PNPLA7: variants seen among roughly 807,000 people sequenced by gnomAD.
The protein encoded by PNPLA7 is patatin like domain 7, lysophospholipase, also known as patatin-like phospholipase domain-containing protein 7.
Under a neutral mutation model 161.7 loss-of-function variants are expected in PNPLA7, and 153 were observed. The observed-to-expected ratio is 0.95, with a 90% CI of 0.83 to 1.08. The LOEUF (loss-of-function observed/expected upper bound fraction) is 1.08. Ranked by LOEUF, PNPLA7 falls within the 50% of genes least tolerant of loss-of-function variation. PNPLA7 has a pLI of 0.00. For synonymous variants in PNPLA7, 809 were observed against 782.1 expected, an observed-to-expected ratio of 1.03 and a Z score of -0.57; for missense variants, 1,739 against 1,856.6, an observed-to-expected ratio of 0.94 and a Z score of 1.16.
At chr9:137,519,181 A>G (rs919958972) in intron 11 of PNPLA7, among the ~76,000 whole-genome samples, 1 of 152,212 alleles carries the variant, frequency 6.6e-6, no homozygotes, top group African/African-American at 2.4e-5. Context: ...AGTCACTTCA[A>G]TTCTTTTGGG....
chr9:137,546,373 G>A (rs762332259), intron 4 of PNPLA7, among the ~76,000 whole-genome samples: 20 of 151,496 alleles, frequency 1.3e-4, no homozygotes, highest in African/African-American at 2.2e-4. Context: ...ACTGGTCTCC[G>A]CGTCTTGGTG....
intron 8 of PNPLA7, among the ~76,000 whole-genome samples, chr9:137,531,079 T>C (rs1835558193): frequency 6.6e-6 from 1 of 152,154 alleles, no homozygotes; most frequent in African/African-American, 2.4e-5. Flanking sequence ...AAAACCTTTA[T>C]GTAGAGCAAG....
chr9:137,543,835 A>G lies in PNPLA7; in HGVS notation c.274-20T>C. 1 of 1,585,104 alleles carries G rather than the reference A, an allele frequency of 6.3e-7. No homozygotes were observed. Among genetic ancestry groups the G allele is most frequent in the Non-Finnish European group, 8.6e-7 (1 of 1,162,662 alleles). On this transcript the variant is annotated intron_variant, in intron 4 of 34. Transcript: ENST00000406427. This position sits in a 1 kb window ranked among gnomAD's most constrained non-coding sequence, Gnocchi z 6.9. ...GGTCACCTGCAGAGCCAAGGGAGAG[A>G]CCAGCCACTGACCCTGCAAGCCGCA... is the stretch of plus-strand genomic sequence containing the variant.
rs1227022396 is a variant in PNPLA7, at chr9:137,460,740, G to A, written c.3842-3C>T. 1.2e-6 allele frequency: 2 copies of A among 1,611,822 alleles called. No homozygotes were observed. The highest frequency in any genetic ancestry group is 3.3e-4 in the Middle Eastern group (2 of 6,054). On this transcript the variant is annotated splice_region_variant and splice_polypyrimidine_tract_variant and intron_variant, in intron 33 of 34. Coordinates refer to ENST00000406427, the MANE Select transcript of PNPLA7 (RefSeq NM_001098537.3). ...CTCCGTCTGGTAGTCAGATTCGTCT[G>A]GCACCGAGGGTAGGGCTGCGTCAGT... is the stretch of plus-strand genomic sequence containing the variant.
chr9:137,522,282 G>T (rs998847111), intron 9 of PNPLA7, among the ~76,000 whole-genome samples: 1 of 149,778 alleles, frequency 6.7e-6, no homozygotes, highest in Non-Finnish European at 1.5e-5. Context: ...CACCGTGTGA[G>T]CCAGGATGGT....
intron 8 of PNPLA7, among the ~76,000 whole-genome samples, chr9:137,532,491 A>G (rs1038517752): frequency 6.6e-6 from 1 of 152,214 alleles, no homozygotes; most frequent in Non-Finnish European, 1.5e-5. Context: ...TGTGGAATAT[A>G]CATGCTTATC....
Position 137,479,389 on chromosome 9 carries a change from T to G in PNPLA7, c.2581-151A>C, listed in dbSNP as rs1832096383. The stretch of plus-strand genomic sequence containing the variant: ...CAACTTGGCTGTGGCCTGGTCTGCC[T>G]TGGCGCTGCCGAAGCTCTGACGGCA... On this transcript the variant is annotated intron_variant, in intron 23 of 34. Transcript: ENST00000406427. 2.6e-5 allele frequency: 35 copies of G among 1,323,298 alleles called. 1 individual carries two copies. In the South Asian group the frequency reaches 6.8e-4, roughly 26 times the overall value. The allele number at this position is 1,323,298 out of a possible 1,614,324, so 82.0% of individuals were successfully genotyped here. A position where few individuals can be genotyped will look rare whatever the true frequency, so the allele number is the denominator to read the frequency against.
At chr9:137,465,690 C>A (rs953246930) in intron 26 of PNPLA7, among the ~76,000 whole-genome samples, 1 of 152,176 alleles carries the variant, frequency 6.6e-6, no homozygotes, top group Non-Finnish European at 1.5e-5. Context: ...TGGTGGCAGC[C>A]CCGGGCCACG....
intron 25 of PNPLA7, among the ~76,000 whole-genome samples, chr9:137,475,250 G>A (rs1201616087): frequency 6.6e-6 from 1 of 152,088 alleles, no homozygotes; most frequent in Non-Finnish European, 1.5e-5. Flanking sequence ...AGTGGCTCAC[G>A]CCTGTAATCC....
intron 18 of PNPLA7, 48 bp downstream of exon 18, chr9:137,497,138 TG>T: frequency 6.8e-7 from 1 of 1,465,530 alleles, no homozygotes; most frequent in Non-Finnish European, 9.1e-7. Flanking sequence ...CAGGATGCTC[TG>T]GGAGGGATGC....
chr9:137,505,757 T>G lies in PNPLA7; in HGVS notation c.1330A>C (p.Arg444=), dbSNP rs148611818. ...HPGSSVASKS[R]KSVMVAEIPS... ...ATCTCTGCAACCATCACGCTTTTCC[T>G]GGACTGGAGAAGAACGGAGATACCG... Residue 444 remains arginine, a synonymous_variant, in exon 14 of 35, where the codon AGG becomes CGG. Transcript: ENST00000406427. 3.1e-6 allele frequency: 5 copies of G among 1,613,718 alleles called. No individual in the cohort carries two copies. Among genetic ancestry groups the G allele is most frequent in the Non-Finnish European group, 4.2e-6 (5 of 1,179,870 alleles).
chr9:137,481,107 C>T (rs375474084), intron 21 of PNPLA7, 84 bp from the exon 22 acceptor site: 158 of 1,441,992 alleles, frequency 1.1e-4, no homozygotes, highest in Non-Finnish European at 1.3e-4. Context: ...AGCAAGGTAC[C>T]GACGCCGAGC....
In PNPLA7 at chr9:137,547,223, G is replaced by T; in HGVS notation, c.193+86C>A. On this transcript the variant is annotated intron_variant, in intron 3 of 34. Coordinates refer to ENST00000406427, the MANE Select transcript of PNPLA7 (RefSeq NM_001098537.3). This position sits in a 1 kb window ranked among gnomAD's most constrained non-coding sequence, Gnocchi z 4.6. ...AGCCAAAGCCACCATGCGCTTGAGG[G>T]CCCCTCCCAGGGGCTCAAAACACAT... The T allele has an allele frequency of 1.5e-6, 2 of 1,308,848 alleles. No individual in the cohort carries two copies. Among genetic ancestry groups the T allele is most frequent in the Non-Finnish European group, 2.2e-6 (2 of 909,092 alleles). 81.1% of individuals were successfully genotyped at this position (1,308,848 alleles called of 1,614,324 possible).
intron 8 of PNPLA7, among the ~76,000 whole-genome samples, chr9:137,526,371 G>A (rs905068112): frequency 1.8e-4 from 27 of 152,180 alleles, no homozygotes; most frequent in Admixed American, 1.0e-3. Context: ...TCCGCCTCCC[G>A]GGTTCACGCC....
intron 21 of PNPLA7, among the ~76,000 whole-genome samples, chr9:137,481,624 C>G (rs1204721643): frequency 6.6e-6 from 1 of 152,124 alleles, no homozygotes; most frequent in Non-Finnish European, 1.5e-5. Flanking sequence ...GGGAAAGGAC[C>G]CAGAGCCCCA....
Position 137,550,281 on chromosome 9 carries a change from C to T in PNPLA7, c.-84G>A. 1 of 1,443,410 alleles carries T rather than the reference C, an allele frequency of 6.9e-7. No homozygotes were observed. Among genetic ancestry groups the T allele is most frequent in the Non-Finnish European group, 9.7e-7 (1 of 1,027,040 alleles). The allele number at this position is 1,443,410 out of a possible 1,614,324, so 89.4% of individuals were successfully genotyped here. On this transcript the variant is annotated 5_prime_UTR_variant, in exon 1 of 35. In the 5' UTR this introduces an upstream ATG that the reference lacks. Coordinates refer to ENST00000406427, the MANE Select transcript of PNPLA7 (RefSeq NM_001098537.3). The stretch of plus-strand genomic sequence containing the variant: ...GCACACCTCTACCCGCTCATGCTCA[C>T]ACCTGGACACTTTTCCCTGGGTTCC...
rs778180886 is a variant in PNPLA7 at position 137,535,283 on chromosome 9, A to AATGAAGTTT, written c.747+5358_747+5359insAAACTTCAT. On this transcript the variant is annotated intron_variant, in intron 8 of 34. Transcript: ENST00000406427. ...AAGAACTTCATTCACACATAAAGTG[A>AATGAAGTTT]CTGCTGGAGGCAGAAAAGCCCCTGA... 1.5e-3 allele frequency among the ~76,000 whole-genome samples: 235 copies of AATGAAGTTT among 152,358 alleles called. 2 individuals carry two copies. The highest frequency in any genetic ancestry group is 2.3e-3 in the Non-Finnish European group (156 of 68,042).
intron 4 of PNPLA7, among the ~76,000 whole-genome samples, chr9:137,546,500 C>G (rs1242325959): frequency 6.6e-6 from 1 of 152,200 alleles, no homozygotes; most frequent in African/African-American, 2.4e-5. Flanking sequence ...TGGGGCTGGG[C>G]CCTACAGGCC....
At position 137,537,575 on chromosome 9, in the gene PNPLA7, A is replaced by G. The variant is rs1835960836; in HGVS notation, c.747+3067T>C. Among the ~76,000 whole-genome samples, 1 of 152,152 alleles carries G rather than the reference A, an allele frequency of 6.6e-6. No homozygotes were observed. The highest frequency in any genetic ancestry group is 2.1e-4 in the South Asian group (1 of 4,828). The stretch of plus-strand genomic sequence containing the variant: ...CGTGATCCGCCCACCTCGGCCTCCC[A>G]AAGTGCTGGGATTACAGGCGTGAGC... On this transcript the variant is annotated intron_variant, in intron 8 of 34. Transcript: ENST00000406427. The surrounding 1 kb of genome is among the most constrained non-coding windows in gnomAD (Gnocchi z 4.5).
Sources: allele counts gnomAD v4.1 joint callset (sites outside exome capture counted in the v4.1 genomes callset), GRCh38; gene constraint gnomAD v4.1.1; non-coding constraint Gnocchi (gnomAD v3.1); transcripts MANE v1.5; gene names NCBI Gene and HGNC (gene_info 2026-07-23, HGNC 2026-07-21).